The following PPM1D variants were observed in gnomAD, a reference collection of about 807,000 sequenced individuals.
The protein encoded by PPM1D is protein phosphatase 1D.
In PPM1D, 52 loss-of-function variants were observed where a neutral mutation model predicts 58.3. The observed-to-expected ratio is 0.89, with a 90% CI of 0.71 to 1.12. The LOEUF (loss-of-function observed/expected upper bound fraction) is 1.12, where lower values mean the gene tolerates loss of function less well. Among genes scored for constraint, PPM1D ranks in the 50% most tolerant of loss-of-function variants. The pLI, the probability that PPM1D is intolerant of heterozygous loss-of-function variation, is 0.00. For missense variants in PPM1D, 564 were observed against 777.2 expected, an observed-to-expected ratio of 0.73 and a Z score of 3.26; for synonymous variants, 278 against 285.1, an observed-to-expected ratio of 0.98 and a Z score of 0.25.
intron 4 of PPM1D, among the ~76,000 whole-genome samples, chr17:60,651,072 A>G (rs2031334255): frequency 6.6e-6 from 1 of 152,226 alleles, no homozygotes; most frequent in South Asian, 2.1e-4. Flanking sequence ...GTTTAAGAGC[A>G]CACAATATTA....
At chr17:60,633,341 C>T (rs1960682888) in intron 2 of PPM1D, among the ~76,000 whole-genome samples, 1 of 152,152 alleles carries the variant, frequency 6.6e-6, no homozygotes, top group African/African-American at 2.4e-5. Context: ...CGCCCGTCCT[C>T]AACATAAACA....
chr17:60,625,076 A>T (rs1481176333), intron 2 of PPM1D, among the ~76,000 whole-genome samples: 1 of 152,080 alleles, frequency 6.6e-6, no homozygotes, highest in Non-Finnish European at 1.5e-5. Context: ...CAGGAGGCAG[A>T]GGTTGCAGTG....
In PPM1D at chr17:60,666,168, A is replaced by G. The variant is rs1598416685; in HGVS notation, c.*2616A>G. On this transcript the variant is annotated 3_prime_UTR_variant, in exon 6 of 6. Transcript: ENST00000305921. ...GGGTGTGCAATAGTTATGTTTTGGT[A>G]ATAGCATTAATGAACAATGTTATTT... The G allele has an allele frequency of 6.6e-6, 1 of 152,274 alleles. No homozygotes were observed. Among genetic ancestry groups the G allele is most frequent in the Non-Finnish European group, 1.5e-5 (1 of 68,018 alleles). The allele number at this position is 152,274 out of a possible 1,614,324, so 9.4% of individuals were successfully genotyped here.
At chr17:60,629,276 A>G (rs1274967219) in intron 2 of PPM1D, among the ~76,000 whole-genome samples, 1 of 152,222 alleles carries the variant, frequency 6.6e-6, no homozygotes, top group Non-Finnish European at 1.5e-5. Flanking sequence ...GTAGGGACCA[A>G]GAAACTGTAG....
chr17:60,633,952 T>C lies in PPM1D; in HGVS notation c.801T>C (p.Pro267=). The change falls in exon 3 of 6, where the codon CCT becomes CCC. Residue 267 remains proline, a synonymous_variant. Transcript: ENST00000305921. ...VRRSTVIDQI[P]FLAVARALGD... is the part of the protein sequence containing the mutation. The stretch of plus-strand genomic sequence containing the variant: ...GGAGCACAGTTATTGACCAGATTCC[T>C]TTTCTGGCAGTAGCAAGAGCACTTG... 1 of 1,613,380 alleles carries C rather than the reference T, an allele frequency of 6.2e-7. No homozygotes were observed. Among genetic ancestry groups the C allele is most frequent in the Non-Finnish European group, 8.5e-7 (1 of 1,179,578 alleles).
chr17:60,640,792 T>TTTGAAA (rs2031118688), intron 3 of PPM1D, among the ~76,000 whole-genome samples: 1 of 152,144 alleles, frequency 6.6e-6, no homozygotes. Flanking sequence ...ACATGTGGTA[T>TTTGAAA]TTGGCTTTCT....
At chr17:60,623,375 A>G in intron 1 of PPM1D, 146 bp from the exon 2 acceptor site, 1 of 696,908 alleles carries the variant, frequency 1.4e-6, no homozygotes, top group South Asian at 2.2e-5. Context: ...TAAGTCCTTT[A>G]GTAGTTTTCA....
At chr17:60,626,913 A>G (rs2030822045) in intron 2 of PPM1D, among the ~76,000 whole-genome samples, 1 of 152,038 alleles carries the variant, frequency 6.6e-6, no homozygotes, top group Non-Finnish European at 1.5e-5. Context: ...AGAGCCATTT[A>G]TATTTTCTTT....
intron 1 of PPM1D, among the ~76,000 whole-genome samples, chr17:60,603,455 T>C (rs2030262517): frequency 6.6e-6 from 1 of 152,206 alleles, no homozygotes; most frequent in South Asian, 2.1e-4. Flanking sequence ...TGCAAACCTC[T>C]TTCAATGTCT....
intron 3 of PPM1D, among the ~76,000 whole-genome samples, chr17:60,642,114 T>C (rs2031145514): frequency 6.6e-6 from 1 of 152,196 alleles, no homozygotes; most frequent in Admixed American, 6.5e-5. Context: ...TTACCAGTTA[T>C]TTGATATTAG....
intron 1 of PPM1D, among the ~76,000 whole-genome samples, chr17:60,622,149 C>A (rs1308178875): frequency 1.3e-5 from 2 of 150,558 alleles, no homozygotes; most frequent in African/African-American, 2.4e-5. Context: ...GAGATCATGC[C>A]ACTGCTCTCC....
At chr17:60,659,640 G>T (rs920792809) in intron 5 of PPM1D, among the ~76,000 whole-genome samples, 1 of 152,180 alleles carries the variant, frequency 6.6e-6, no homozygotes, top group African/African-American at 2.4e-5. Context: ...TGGATTACAG[G>T]GTAGATGGGA....
At chr17:60,653,930 C>T (rs1181698660) in intron 4 of PPM1D, among the ~76,000 whole-genome samples, 1 of 152,020 alleles carries the variant, frequency 6.6e-6, no homozygotes, top group African/African-American at 2.4e-5. Context: ...TTTTTGGTGG[C>T]GTCTTTAGGT....
intron 1 of PPM1D, among the ~76,000 whole-genome samples, chr17:60,617,550 G>A (rs1168634500): frequency 7.0e-6 from 1 of 143,058 alleles, no homozygotes; most frequent in Non-Finnish European, 1.5e-5. Flanking sequence ...AGACCCTGTT[G>A]TTAAAAAAAA....
intron 5 of PPM1D, among the ~76,000 whole-genome samples, chr17:60,661,719 G>C (rs1226954515): frequency 6.6e-6 from 1 of 152,172 alleles, no homozygotes; most frequent in Non-Finnish European, 1.5e-5. Context: ...TCACAGAGCA[G>C]TATCTAGTGT....
intron 1 of PPM1D, among the ~76,000 whole-genome samples, chr17:60,620,662 A>C (rs1341431077): frequency 6.6e-6 from 1 of 151,728 alleles, no homozygotes; most frequent in Non-Finnish European, 1.5e-5. Context: ...GGTGTGCGCT[A>C]CCATGCCTGG....
intron 1 of PPM1D, among the ~76,000 whole-genome samples, chr17:60,609,795 G>A (rs2030416582): frequency 6.6e-6 from 1 of 152,172 alleles, no homozygotes; most frequent in Non-Finnish European, 1.5e-5. Context: ...AGCAAGAGTA[G>A]TAATGCTGGC....
chr17:60,616,810 A>G (rs1252217924), intron 1 of PPM1D, among the ~76,000 whole-genome samples: 3 of 152,216 alleles, frequency 2.0e-5, no homozygotes, highest in African/African-American at 7.2e-5. Flanking sequence ...TAGGCTTTTG[A>G]CCAAAAGTGT....
chr17:60,642,183 A>G lies in PPM1D; in HGVS notation c.827-5709A>G, dbSNP rs1448452720. ...CAAGGGAAAGTGTCTATGAGTATGA[A>G]TCATCTGGTGAGTTTGTTGAAAGGT... is the stretch of plus-strand genomic sequence containing the variant. On this transcript the variant is annotated intron_variant, in intron 3 of 5. Coordinates refer to ENST00000305921, the MANE Select transcript of PPM1D (RefSeq NM_003620.4). Among the ~76,000 whole-genome samples, 6 of 152,206 alleles carry G rather than the reference A, an allele frequency of 3.9e-5. No homozygotes were observed. In the East Asian group the frequency reaches 9.6e-4, roughly 24 times the overall value.
Sources: allele counts gnomAD v4.1 joint callset (sites outside exome capture counted in the v4.1 genomes callset), GRCh38; gene constraint gnomAD v4.1.1; transcripts MANE v1.5; gene names NCBI Gene and HGNC (gene_info 2026-07-23, HGNC 2026-07-21).